HIVEP2: variants seen among roughly 807,000 people sequenced by gnomAD.
HIVEP2 encodes HIVEP zinc finger 2.
In HIVEP2, 14 loss-of-function variants were observed where a neutral mutation model predicts 180.7. That is an observed-to-expected ratio of 0.08 (90% CI 0.05 to 0.12). HIVEP2 has a LOEUF of 0.12. Ranked by LOEUF, HIVEP2 falls within the 10% of genes least tolerant of loss-of-function variation. The pLI, the probability that HIVEP2 is intolerant of heterozygous loss-of-function variation, is 1.00. For synonymous variants in HIVEP2, 1,184 were observed against 1,136.4 expected (o/e 1.04, Z -0.84); for missense variants, 2,579 against 3,008.5 (o/e 0.86, Z 3.34).
intron 6 of HIVEP2, among the ~76,000 whole-genome samples, chr6:142,767,445 T>C (rs1259939888): frequency 2.0e-5 from 3 of 152,216 alleles, no homozygotes; most frequent in East Asian, 1.9e-4. Context: ...AAATGGATAT[T>C]TCATCTCACT....
At chr6:142,835,793 T>A (rs1775205948) in intron 2 of HIVEP2, among the ~76,000 whole-genome samples, 1 of 152,196 alleles carries the variant, frequency 6.6e-6, no homozygotes, top group Non-Finnish European at 1.5e-5. Context: ...CACTAGCATA[T>A]CAAGTTCTTA....
intron 1 of HIVEP2, among the ~76,000 whole-genome samples, chr6:142,894,726 A>G (rs936054798): frequency 6.6e-6 from 1 of 151,800 alleles, no homozygotes; most frequent in African/African-American, 2.4e-5. Flanking sequence ...ATTTTTTTTT[A>G]TTTTACAGAT....
intron 1 of HIVEP2, among the ~76,000 whole-genome samples, chr6:142,871,171 T>C (rs1392607235): frequency 2.6e-5 from 4 of 152,212 alleles, no homozygotes; most frequent in African/African-American, 9.6e-5. Context: ...TTTGATGAGA[T>C]GATGCAATCA....
At chr6:142,806,347 C>G (rs535256985) in intron 2 of HIVEP2, among the ~76,000 whole-genome samples, 1 of 152,296 alleles carries the variant, frequency 6.6e-6, no homozygotes, top group South Asian at 2.1e-4. Context: ...CCAGGCTGCT[C>G]TGCCTATGGA....
At chr6:142,796,656 A>C (rs1239414794) in intron 2 of HIVEP2, among the ~76,000 whole-genome samples, 1 of 152,160 alleles carries the variant, frequency 6.6e-6, no homozygotes, top group Non-Finnish European at 1.5e-5. Flanking sequence ...TAATGTCATG[A>C]CTTTCCTCTG....
chr6:142,758,169 T>G (rs1355127035), intron 9 of HIVEP2, among the ~76,000 whole-genome samples: 1 of 152,240 alleles, frequency 6.6e-6, no homozygotes, highest in Admixed American at 6.5e-5. Flanking sequence ...TTCCTACTTT[T>G]GCTAAGGCAC....
Position 142,774,381 on chromosome 6 carries a change from C to T in HIVEP2, c.358G>A (p.Glu120Lys), listed in dbSNP as rs372030453. The T allele has an allele frequency of 1.8e-5, 29 of 1,614,030 alleles. No individual in the cohort carries two copies. The highest frequency in any genetic ancestry group is 6.6e-5 in the South Asian group (6 of 91,080). The change falls in exon 5 of 10, where the codon GAA becomes AAA. Residue 120 changes from glutamate to lysine, a missense_variant. Physicochemically the swap from Glu to Lys is moderately conservative, Grantham distance 56 (BLOSUM62 1). Transcript: ENST00000367603. This position sits in a 1 kb window ranked among gnomAD's most constrained non-coding sequence, Gnocchi z 5.1. Reference protein sequence around the residue: ...MHSTKPHQSLEGPPWLFPGPL... With the variant: ...MHSTKPHQSLKGPPWLFPGPL... ...CCAGGGAAAAGCCACGGAGGACCTT[C>T]GAGGCTCTGATGTGGCTTGGTGCTG...
intron 2 of HIVEP2, among the ~76,000 whole-genome samples, chr6:142,826,744 T>C (rs916912168): frequency 8.5e-5 from 13 of 152,188 alleles, no homozygotes; most frequent in African/African-American, 3.1e-4. Context: ...GGAATAGCTT[T>C]GTGGGGTAGA....
chr6:142,930,282 G>T (rs1010800657), intron 1 of HIVEP2, among the ~76,000 whole-genome samples: 2 of 152,192 alleles, frequency 1.3e-5, no homozygotes, highest in Non-Finnish European at 2.9e-5. Context: ...ACATACTCAT[G>T]AACATATAAG....
intron 1 of HIVEP2, among the ~76,000 whole-genome samples, chr6:142,933,834 AT>A (rs1777992275): frequency 6.6e-6 from 1 of 152,228 alleles, no homozygotes; most frequent in Admixed American, 6.5e-5. Context: ...TTTACACTTG[AT>A]TGAAGTTGGG....
chr6:142,940,931 T>A (rs1286172391), intron 1 of HIVEP2, among the ~76,000 whole-genome samples: 5 of 152,150 alleles, frequency 3.3e-5, no homozygotes, highest in Admixed American at 1.3e-4. Context: ...CACATAAACA[T>A]CATGTTCATC....
At chr6:142,892,400 G>A (rs966269124) in intron 1 of HIVEP2, among the ~76,000 whole-genome samples, 7 of 152,090 alleles carry the variant, frequency 4.6e-5, no homozygotes, top group African/African-American at 9.7e-5. Context: ...CCTACATCCC[G>A]GCGGAGGTGC....
At chr6:142,804,276 C>T (rs915696872) in intron 2 of HIVEP2, among the ~76,000 whole-genome samples, 4 of 151,968 alleles carry the variant, frequency 2.6e-5, no homozygotes, top group Non-Finnish European at 5.9e-5. Context: ...AATGTTACAC[C>T]AGTACTAAAG....
chr6:142,876,249 G>T (rs1367518810), intron 1 of HIVEP2, among the ~76,000 whole-genome samples: 3 of 152,166 alleles, frequency 2.0e-5, no homozygotes, highest in African/African-American at 7.2e-5. Context: ...AATTTGAGGA[G>T]TTTTGGTGAA....
intron 1 of HIVEP2, among the ~76,000 whole-genome samples, chr6:142,905,385 C>T (rs565925164): frequency 2.6e-5 from 4 of 151,798 alleles, no homozygotes; most frequent in Non-Finnish European, 2.9e-5. Flanking sequence ...GTAATCAATA[C>T]GGGGGCCCAC....
intron 1 of HIVEP2, among the ~76,000 whole-genome samples, chr6:142,910,869 A>C (rs1318173444): frequency 6.6e-6 from 1 of 152,146 alleles, no homozygotes; most frequent in East Asian, 1.9e-4. Context: ...GGGGGCCTGA[A>C]TTTTTTAACG....
intron 1 of HIVEP2, among the ~76,000 whole-genome samples, chr6:142,944,333 C>T (rs1282044058): frequency 6.8e-6 from 1 of 147,972 alleles, no homozygotes; most frequent in African/African-American, 2.6e-5. Context: ...GTGATAACAG[C>T]TGGGGTAGCA....
Position 142,774,400 on chromosome 6 carries a change from G to A in HIVEP2, c.339C>T (p.Thr113=). The A allele has an allele frequency of 1.9e-6, 3 of 1,614,168 alleles. No individual in the cohort carries two copies. Among genetic ancestry groups the A allele is most frequent in the Non-Finnish European group, 2.5e-6 (3 of 1,180,044 alleles). The change falls in exon 5 of 10, where the codon ACC becomes ACT. Residue 113 remains threonine, a synonymous_variant. Transcript: ENST00000367603. This position sits in a 1 kb window ranked among gnomAD's most constrained non-coding sequence, Gnocchi z 5.1. ...GACCTTCGAGGCTCTGATGTGGCTT[G>A]GTGCTGTGCATGACCCCCTGTGGCA... The part of the protein sequence containing the change: ...HSLPQGVMHS[T]KPHQSLEGPP...
intron 1 of HIVEP2, among the ~76,000 whole-genome samples, chr6:142,895,270 T>G (rs866390577): frequency 2.0e-5 from 3 of 152,020 alleles, no homozygotes; most frequent in South Asian, 2.1e-4. Context: ...GAAATTTTGG[T>G]TTTTTTTAAA....
Sources: allele counts gnomAD v4.1 joint callset (sites outside exome capture counted in the v4.1 genomes callset), GRCh38; gene constraint gnomAD v4.1.1; non-coding constraint Gnocchi (gnomAD v3.1); transcripts MANE v1.5; gene names NCBI Gene and HGNC (gene_info 2026-07-23, HGNC 2026-07-21).